MN1: variants seen among roughly 807,000 people sequenced by gnomAD.
MN1 encodes transcriptional activator MN1.
A neutral mutation model predicts 86.9 loss-of-function variants in MN1; 19 were observed. The ratio of observed to expected loss-of-function variants is 0.22; its 90% CI spans 0.15 to 0.32. The LOEUF (loss-of-function observed/expected upper bound fraction) is 0.32. Among genes scored for constraint, MN1 ranks in the 10% least tolerant of loss-of-function variants. The pLI, the probability that MN1 is intolerant of heterozygous loss-of-function variation, is 1.00. For missense variants in MN1, 1,841 were observed against 1,862.0 expected (o/e 0.99, Z 0.21); for synonymous variants, 928 against 849.6 (o/e 1.09, Z -1.60).
rs1358634118 is a variant in MN1 at position 27,799,759 on chromosome 22, C to T, written c.785G>A (p.Gly262Asp). The T allele has an allele frequency of 6.3e-7, 1 of 1,592,594 alleles. No homozygotes were observed. The highest frequency in any genetic ancestry group is 8.6e-7 in the Non-Finnish European group (1 of 1,169,386). ...SEGQLPHYAA[G>D]RQVPGGAFPG... ...GAAAGCGCCCCCAGGAACCTGGCGA[C>T]CCGCTGCATAATGAGGCAGCTGCCC... Residue 262 changes from glycine (G) to aspartate (D), a missense_variant, in exon 1 of 2, where the codon GGT becomes GAT. Gly to Asp is a moderately conservative substitution (Grantham distance 94). Transcript: ENST00000302326.
chr22:27,797,903 C>T lies in MN1; in HGVS notation c.2641G>A (p.Gly881Arg), dbSNP rs1933331835. 1 of 1,601,324 alleles carries T rather than the reference C, an allele frequency of 6.2e-7. No homozygotes were observed. The highest frequency in any genetic ancestry group is 1.3e-5 in the African/African-American group (1 of 74,418). Residue 881 changes from glycine to arginine, a missense_variant, in exon 1 of 2, where the codon GGA becomes AGA. Gly to Arg is a moderately radical substitution (Grantham distance 125). Transcript: ENST00000302326. ...AGNPGSDYFP[G>R]GTAPGAPGPG... is the part of the protein sequence containing the mutation. ...CCTGGGGCCCCAGGAGCAGTCCCTC[C>T]TGGGAAGTAATCCGAGCCCGGGTTG...
intron 1 of MN1, among the ~76,000 whole-genome samples, chr22:27,778,099 TA>T (rs1933003585): frequency 1.3e-5 from 2 of 152,152 alleles, no homozygotes; most frequent in Admixed American, 1.3e-4. Context: ...AATGCGCTCT[TA>T]AATATTATTA....
chr22:27,771,799 A>G (rs982491472), intron 1 of MN1, among the ~76,000 whole-genome samples: 5 of 152,164 alleles, frequency 3.3e-5, no homozygotes, highest in African/African-American at 1.2e-4. Context: ...CTCATTCAAT[A>G]GTCAAAGTTA....
chr22:27,778,272 T>C (rs563383000), intron 1 of MN1, among the ~76,000 whole-genome samples: 69 of 152,340 alleles, frequency 4.5e-4, no homozygotes, highest in African/African-American at 1.6e-3. Context: ...AGATTCATTT[T>C]CTCACTGGTT....
chr22:27,760,862 T>C (rs1932829983), intron 1 of MN1, among the ~76,000 whole-genome samples: 2 of 152,186 alleles, frequency 1.3e-5, no homozygotes, highest in Admixed American at 1.3e-4. Context: ...TCTATGCGAG[T>C]CGGCTCCAGG....
chr22:27,775,364 A>AT (rs1932964628), intron 1 of MN1, among the ~76,000 whole-genome samples: 1 of 152,164 alleles, frequency 6.6e-6, no homozygotes, highest in Non-Finnish European at 1.5e-5. Context: ...GTACGCAGGA[A>AT]TCGAGGGTTC....
At chr22:27,791,898 C>T (rs1395237679) in intron 1 of MN1, 2 of 152,208 alleles carry the variant, frequency 1.3e-5, no homozygotes, top group African/African-American at 4.8e-5. Flanking sequence ...TTAGGAGATC[C>T]TGTGAAATCC....
Position 27,798,325 on chromosome 22 carries a change from A to G in MN1, c.2219T>C (p.Leu740Pro). The change falls in exon 1 of 2, where the codon CTC becomes CCC. Residue 740 changes from leucine (L) to proline (P), a missense_variant. By Grantham distance (98) the Leu-to-Pro change is moderately conservative (BLOSUM62 -3). Coordinates refer to ENST00000302326, the MANE Select transcript of MN1 (RefSeq NM_002430.3). Reference protein sequence around the residue: ...PPPPDFATSALGGQPGFPFGA... With the variant: ...PPPPDFATSAPGGQPGFPFGA... ...AAACGGAAAGCCCGGCTGGCCCCCG[A>G]GCGCAGACGTAGCAAAGTCCGGCGG... 1 of 1,518,336 alleles carries G rather than the reference A, an allele frequency of 6.6e-7. No homozygotes were observed. The highest frequency in any genetic ancestry group is 8.8e-7 in the Non-Finnish European group (1 of 1,141,900). 94.1% of individuals were successfully genotyped at this position (1,518,336 alleles called of 1,614,324 possible).
intron 1 of MN1, among the ~76,000 whole-genome samples, chr22:27,770,151 TC>T (rs749735683): frequency 6.6e-6 from 1 of 151,956 alleles, no homozygotes; most frequent in Non-Finnish European, 1.5e-5. Context: ...CTTACAACCT[TC>T]CCTCCCAAAT....
chr22:27,799,846 T>C lies in MN1; in HGVS notation c.698A>G (p.Tyr233Cys). ...TNQGAVDSLE[Y>C]NYPGEAPSGH... Reference sequence around the variant, plus strand: ...CGAGGGCGCCTCGCCCGGGTAATTGTATTCCAGCGAGTCGACGGCTCCTTG... The same window carrying C: ...CGAGGGCGCCTCGCCCGGGTAATTGCATTCCAGCGAGTCGACGGCTCCTTG... Residue 233 changes from tyrosine to cysteine, a missense_variant, in exon 1 of 2, where the codon TAC becomes TGC. Transcript: ENST00000302326. The C allele has an allele frequency of 6.2e-7, 1 of 1,601,746 alleles. No homozygotes were observed. Among genetic ancestry groups the C allele is most frequent in the East Asian group, 2.3e-5 (1 of 44,270 alleles).
At position 27,748,970 on chromosome 22, in the gene MN1, C is replaced by T; in HGVS notation, c.*1945G>A. The T allele has an allele frequency of 8.6e-6, 2 of 231,302 alleles. No homozygotes were observed. The highest frequency in any genetic ancestry group is 1.7e-5 in the Non-Finnish European group (2 of 116,856). 14.3% of individuals were successfully genotyped at this position (231,302 alleles called of 1,614,324 possible). A position where few individuals can be genotyped will look rare whatever the true frequency, so the allele number is the denominator to read the frequency against. On this transcript the variant is annotated 3_prime_UTR_variant, in exon 2 of 2. Coordinates refer to ENST00000302326, the MANE Select transcript of MN1 (RefSeq NM_002430.3). Reference sequence around the variant, plus strand: ...CAGAATACGGTCAACTCTCCCACAGCCCATGGTGGGGGGAAATTCCCTTCC... The same window carrying T: ...CAGAATACGGTCAACTCTCCCACAGTCCATGGTGGGGGGAAATTCCCTTCC...
At chr22:27,790,153 G>T (rs1361109196) in intron 1 of MN1, among the ~76,000 whole-genome samples, 3 of 152,228 alleles carry the variant, frequency 2.0e-5, no homozygotes, top group African/African-American at 7.2e-5. Context: ...CACAAAGCGG[G>T]TCTCAGCATC....
rs893947741 is a variant in MN1, at chr22:27,750,203, A to G, written c.*712T>C. On this transcript the variant is annotated 3_prime_UTR_variant, in exon 2 of 2. Coordinates refer to ENST00000302326, the MANE Select transcript of MN1 (RefSeq NM_002430.3). ...TTCCAGCAGGAGAAGAGAGAACTCA[A>G]GTGGAAGGGAACTGAAGGCTGAGCA... 12 of 231,310 alleles carry G rather than the reference A, an allele frequency of 5.2e-5. No individual in the cohort carries two copies. The highest frequency in any genetic ancestry group is 1.2e-3 in the Middle Eastern group (1 of 802). 14.3% of individuals were successfully genotyped at this position (231,310 alleles called of 1,614,324 possible).
intron 1 of MN1, 39 bp from the exon 2 acceptor site, chr22:27,751,135 C>T: frequency 6.6e-7 from 1 of 1,508,974 alleles, no homozygotes; most frequent in Non-Finnish European, 8.9e-7. Context: ...TAGTGGCACA[C>T]TCGTCTCTGA....
At chr22:27,771,045 A>G (rs1457424623) in intron 1 of MN1, among the ~76,000 whole-genome samples, 2 of 152,076 alleles carry the variant, frequency 1.3e-5, no homozygotes, top group Non-Finnish European at 2.9e-5. Context: ...TTTATTGAGC[A>G]GTTTGCCTGT....
In MN1 at chr22:27,749,193, G is replaced by A. The variant is rs1186736648; in HGVS notation, c.*1722C>T. ...GAAAGAGGGGAGAAGGGAGGGGAAA[G>A]AGTGAGGTTTTTCTGAAAGCTCCTC... On this transcript the variant is annotated 3_prime_UTR_variant, in exon 2 of 2. Transcript: ENST00000302326. 4.3e-6 allele frequency: 1 copy of A among 231,132 alleles called. No homozygotes were observed. The highest frequency in any genetic ancestry group is 6.1e-5 in the East Asian group (1 of 16,312). 14.3% of individuals were successfully genotyped at this position (231,132 alleles called of 1,614,324 possible). A position where few individuals can be genotyped will look rare whatever the true frequency, so the allele number is the denominator to read the frequency against.
Position 27,749,041 on chromosome 22 carries a change from C to CACCTTT in MN1, c.*1868_*1873dup. On this transcript the variant is annotated 3_prime_UTR_variant, in exon 2 of 2. Transcript: ENST00000302326. ...AGAACGCAGGAACTGCCTCGGCTCACACCTTTCTCGCTGATCAATTCATGC... is the reference window on the plus strand; with the variant it reads ...AGAACGCAGGAACTGCCTCGGCTCACACCTTTACCTTTCTCGCTGATCAATTCATGC... 8.6e-6 allele frequency: 2 copies of CACCTTT among 231,892 alleles called. No homozygotes were observed. The highest frequency in any genetic ancestry group is 1.7e-5 in the Non-Finnish European group (2 of 117,152). The allele number at this position is 231,892 out of a possible 1,614,324, so 14.4% of individuals were successfully genotyped here.
intron 1 of MN1, among the ~76,000 whole-genome samples, chr22:27,774,086 G>A (rs1420162276): frequency 6.6e-6 from 1 of 152,134 alleles, no homozygotes; most frequent in African/African-American, 2.4e-5. Flanking sequence ...CACCTCCCGT[G>A]TGCCCAGATT....
chr22:27,781,071 C>A (rs1330466063), intron 1 of MN1, among the ~76,000 whole-genome samples: 1 of 152,132 alleles, frequency 6.6e-6, no homozygotes, highest in Non-Finnish European at 1.5e-5. Flanking sequence ...GCTGGGACTA[C>A]AGGTGTGCGC....
Sources: allele counts gnomAD v4.1 joint callset (sites outside exome capture counted in the v4.1 genomes callset), GRCh38; gene constraint gnomAD v4.1.1; transcripts MANE v1.5; gene names NCBI Gene and HGNC (gene_info 2026-07-23, HGNC 2026-07-21).